The following OSBPL3 variants were observed in gnomAD, a reference collection of about 807,000 sequenced individuals.
OSBPL3 encodes the protein oxysterol-binding protein-related protein 3.
A neutral mutation model predicts 120.1 loss-of-function variants in OSBPL3; 65 were observed. That is an observed-to-expected ratio of 0.54 (90% CI 0.44 to 0.67). The LOEUF is 0.67. OSBPL3 is among the 30% of genes least tolerant of loss of function. OSBPL3 has a pLI of 0.00. For synonymous variants in OSBPL3, 416 were observed against 402.6 expected (o/e 1.03, Z -0.40); for missense variants, 1,004 against 1,082.1 (o/e 0.93, Z 1.01).
intron 2 of OSBPL3, among the ~76,000 whole-genome samples, chr7:24,889,673 G>T (rs1805048606): frequency 6.6e-6 from 1 of 152,200 alleles, no homozygotes; most frequent in South Asian, 2.1e-4. Context: ...GAAATGTGAA[G>T]TATACTGTAG....
chr7:24,863,441 G>A lies in OSBPL3; in HGVS notation c.777+55C>T. The A allele has an allele frequency of 3.4e-6, 5 of 1,472,936 alleles. No individual in the cohort carries two copies. The highest frequency in any genetic ancestry group is 1.4e-5 in the African/African-American group (1 of 72,276). 91.2% of individuals were successfully genotyped at this position (1,472,936 alleles called of 1,614,324 possible). On this transcript the variant is annotated intron_variant, in intron 8 of 22. Coordinates refer to ENST00000313367, the MANE Select transcript of OSBPL3 (RefSeq NM_015550.4). The surrounding 1 kb of genome is among the most constrained non-coding windows in gnomAD (Gnocchi z 5.8). The stretch of plus-strand genomic sequence containing the variant: ...CCCACTGTTAGTGAAAGGCTGGGAG[G>A]AGAAAGGAAAGCAGAAGAGGGCCAG...
Position 24,852,766 on chromosome 7 carries a change from C to A in OSBPL3, c.1028-132G>T. On this transcript the variant is annotated intron_variant, in intron 10 of 22. Coordinates refer to ENST00000313367, the MANE Select transcript of OSBPL3 (RefSeq NM_015550.4). This position sits in a 1 kb window ranked among gnomAD's most constrained non-coding sequence, Gnocchi z 4.1. ...GAATATTTTGAGTATAGCAAATGTA[C>A]ATTCTACCTTGACTTTTAAAAAACA... is the stretch of plus-strand genomic sequence containing the variant. 1.6e-6 allele frequency: 1 copy of A among 609,736 alleles called. No individual in the cohort carries two copies. The allele number at this position is 609,736 out of a possible 1,614,324, so 37.8% of individuals were successfully genotyped here.
intron 16 of OSBPL3, among the ~76,000 whole-genome samples, chr7:24,829,631 G>A (rs1478665454): frequency 6.6e-6 from 1 of 152,174 alleles, no homozygotes; most frequent in Non-Finnish European, 1.5e-5. Flanking sequence ...CAGAAGCAAT[G>A]ATGTCTAATG....
rs1486627127 is a variant in OSBPL3, at chr7:24,937,340, C to T, written c.-150+42546G>A. Among the ~76,000 whole-genome samples, 3 of 152,192 alleles carry T rather than the reference C, an allele frequency of 2.0e-5. No individual in the cohort carries two copies. Among genetic ancestry groups the T allele is most frequent in the Admixed American group, 2.0e-4 (3 of 15,290 alleles). On this transcript the variant is annotated intron_variant, in intron 1 of 22. Coordinates refer to ENST00000313367, the MANE Select transcript of OSBPL3 (RefSeq NM_015550.4). The surrounding 1 kb of genome is among the most constrained non-coding windows in gnomAD (Gnocchi z 4.0). ...GTTTTGTAGCAGCTTTGGGTGGGAA[C>T]ACAGCCAAACCATATCAGTAAATTT...
rs1459772845 is a variant in OSBPL3 at position 24,830,514 on chromosome 7, T to TTTA, written c.1884+251_1884+253dup. On this transcript the variant is annotated intron_variant, in intron 16 of 22. Coordinates refer to ENST00000313367, the MANE Select transcript of OSBPL3 (RefSeq NM_015550.4). This position sits in a 1 kb window ranked among gnomAD's most constrained non-coding sequence, Gnocchi z 4.4. Reference sequence around the variant, plus strand: ...TTTCAAAATTCCTTGTGCTAATGATTTTAAAGAGAAAGGACACCGGCAATG... The same window carrying TTTA: ...TTTCAAAATTCCTTGTGCTAATGATTTTATTAAAGAGAAAGGACACCGGCAATG... Among the ~76,000 whole-genome samples the TTTA allele has an allele frequency of 2.0e-5, 3 of 152,154 alleles. No individual in the cohort carries two copies. The highest frequency in any genetic ancestry group is 7.2e-5 in the African/African-American group (3 of 41,420).
Position 24,816,611 on chromosome 7 carries a change from C to T in OSBPL3, c.2026G>A (p.Val676Ile), listed in dbSNP as rs149813396. Residue 676 changes from valine (V) to isoleucine (I), a missense_variant and splice_region_variant, in exon 18 of 23, where the codon GTT (valine) becomes ATT (isoleucine). Around this residue, in one of 4 missense-constraint regions of OSBPL3, gnomAD observed 473 missense variants for 568.0 expected, o/e 0.83. Transcript: ENST00000313367. ...PIGTTHVTLP[V>I]FGDHFEWNKV... ...CTTAACCACAGAAGAAGAACTTACACTGGCAGAGTCACATGGGTTGTGCCA... is the reference window on the plus strand; with the variant it reads ...CTTAACCACAGAAGAAGAACTTACATTGGCAGAGTCACATGGGTTGTGCCA... 3 of 1,608,952 alleles carry T rather than the reference C, an allele frequency of 1.9e-6. No homozygotes were observed. The highest frequency in any genetic ancestry group is 1.1e-5 in the South Asian group (1 of 90,954).
chr7:24,832,367 G>A (rs1190962308), intron 15 of OSBPL3, among the ~76,000 whole-genome samples: 26 of 151,778 alleles, frequency 1.7e-4, no homozygotes, highest in Admixed American at 5.9e-4. Flanking sequence ...AAAATTAGCC[G>A]GGTGTGGTGG....
chr7:24,970,570 G>A (rs1449912846), intron 1 of OSBPL3, among the ~76,000 whole-genome samples: 1 of 152,128 alleles, frequency 6.6e-6, no homozygotes, highest in Non-Finnish European at 1.5e-5. Context: ...TAGAGATATA[G>A]ATACAGATAG....
In OSBPL3 at chr7:24,966,059, G is replaced by C. The variant is rs1816342806; in HGVS notation, c.-150+13827C>G. ...AGTCTCACACAAGTCATCTGAGAGA[G>C]AGGAGAAACAGTACTGTTAAAAGGA... On this transcript the variant is annotated intron_variant, in intron 1 of 22. Coordinates refer to ENST00000313367, the MANE Select transcript of OSBPL3 (RefSeq NM_015550.4). This position sits in a 1 kb window ranked among gnomAD's most constrained non-coding sequence, Gnocchi z 4.8. Among the ~76,000 whole-genome samples the C allele has an allele frequency of 6.6e-6, 1 of 152,174 alleles. No homozygotes were observed. Among genetic ancestry groups the C allele is most frequent in the Admixed American group, 6.5e-5 (1 of 15,286 alleles).
intron 1 of OSBPL3, among the ~76,000 whole-genome samples, chr7:24,929,814 G>T (rs376390747): frequency 1.6e-4 from 24 of 152,222 alleles, no homozygotes; most frequent in East Asian, 1.4e-3. Context: ...AATCATCCTT[G>T]GTCATGTATG....
In OSBPL3 at chr7:24,852,947, C is replaced by CTGCACTTTTGG. The variant is rs1218704000; in HGVS notation, c.1028-324_1028-314dup. On this transcript the variant is annotated intron_variant, in intron 10 of 22. Coordinates refer to ENST00000313367, the MANE Select transcript of OSBPL3 (RefSeq NM_015550.4). This position sits in a 1 kb window ranked among gnomAD's most constrained non-coding sequence, Gnocchi z 4.1. Reference sequence around the variant, plus strand: ...TGGGAGCAGGGGGCTTATAAAAGCTCTGCACTTTTGGTTCAATTTTGCTAT... The same window carrying CTGCACTTTTGG: ...TGGGAGCAGGGGGCTTATAAAAGCTCTGCACTTTTGGTGCACTTTTGGTTCAATTTTGCTAT... Among the ~76,000 whole-genome samples, 1 of 152,144 alleles carries CTGCACTTTTGG rather than the reference C, an allele frequency of 6.6e-6. No individual in the cohort carries two copies. Among genetic ancestry groups the CTGCACTTTTGG allele is most frequent in the Non-Finnish European group, 1.5e-5 (1 of 68,032 alleles).
chr7:24,951,380 T>C (rs1481559370), intron 1 of OSBPL3, among the ~76,000 whole-genome samples: 1 of 152,192 alleles, frequency 6.6e-6, no homozygotes, highest in Non-Finnish European at 1.5e-5. Flanking sequence ...TAACTTCATA[T>C]TCCTTCTGGT....
At chr7:24,917,411 T>TATATATATATATATATATATA (rs1809771897) in intron 1 of OSBPL3, among the ~76,000 whole-genome samples, 1 of 137,600 alleles carries the variant, frequency 7.3e-6, no homozygotes, top group African/African-American at 2.9e-5. Context: ...CATATATATA[T>TATATATATATATATATATATA]ATATATATAT....
At position 24,824,174 on chromosome 7, in the gene OSBPL3, G is replaced by C. The variant is rs113222813; in HGVS notation, c.1885-3936C>G. Reference sequence around the variant, plus strand: ...AATTAGTACACATGGTTTTTATTACGCAAGTATTTATATGGTAACACATGT... The same window carrying C: ...AATTAGTACACATGGTTTTTATTACCCAAGTATTTATATGGTAACACATGT... On this transcript the variant is annotated intron_variant, in intron 16 of 22. Transcript: ENST00000313367. The surrounding 1 kb of genome is among the most constrained non-coding windows in gnomAD (Gnocchi z 4.9). 6.6e-6 allele frequency among the ~76,000 whole-genome samples: 1 copy of C among 152,068 alleles called. No homozygotes were observed. Among genetic ancestry groups the C allele is most frequent in the Non-Finnish European group, 1.5e-5 (1 of 68,020 alleles).
At chr7:24,825,679 T>C (rs1392362439) in intron 16 of OSBPL3, among the ~76,000 whole-genome samples, 1 of 152,218 alleles carries the variant, frequency 6.6e-6, no homozygotes, top group African/African-American at 2.4e-5. Flanking sequence ...CTCTGCTAAC[T>C]AGTAGATACA....
chr7:24,820,317 C>A lies in OSBPL3; in HGVS notation c.1885-79G>T. On this transcript the variant is annotated intron_variant, in intron 16 of 22. Transcript: ENST00000313367. The surrounding 1 kb of genome is among the most constrained non-coding windows in gnomAD (Gnocchi z 4.6). ...TGAAATCCATTCTTTCTCCCCTGCA[C>A]TGAGATGTAACAGCGTGCAATGCTG... The A allele has an allele frequency of 1.9e-6, 2 of 1,056,156 alleles. No homozygotes were observed. The highest frequency in any genetic ancestry group is 1.4e-6 in the Non-Finnish European group (1 of 689,714). 65.4% of individuals were successfully genotyped at this position (1,056,156 alleles called of 1,614,324 possible).
chr7:24,973,753 GA>G (rs1378825019), intron 1 of OSBPL3, among the ~76,000 whole-genome samples: 1 of 152,158 alleles, frequency 6.6e-6, no homozygotes, highest in East Asian at 1.9e-4. Flanking sequence ...AAGCATCTTT[GA>G]AAAAAATCAA....
chr7:24,798,321 TACC>T lies in OSBPL3; in HGVS notation c.*1859_*1861del, dbSNP rs1791933246. ...AGCAGGCCAATTTAACAGCCAATAT[TACC>T]ACGATTCTACATTTATCCTCACACT... On this transcript the variant is annotated 3_prime_UTR_variant, in exon 23 of 23. Transcript: ENST00000313367. The surrounding 1 kb of genome is among the most constrained non-coding windows in gnomAD (Gnocchi z 4.6). 6.6e-6 allele frequency: 1 copy of T among 152,260 alleles called. No homozygotes were observed. Among genetic ancestry groups the T allele is most frequent in the Non-Finnish European group, 1.5e-5 (1 of 68,048 alleles). 9.4% of individuals were successfully genotyped at this position (152,260 alleles called of 1,614,324 possible). A position where few individuals can be genotyped will look rare whatever the true frequency, so the allele number is the denominator to read the frequency against.
chr7:24,979,845 C>A (rs1161286634), intron 1 of OSBPL3, 41 bp downstream of exon 1: 2 of 971,464 alleles, frequency 2.1e-6, no homozygotes, highest in African/African-American at 3.5e-5. Flanking sequence ...CCAGGCCCCC[C>A]GACACCCAGG....
Sources: gnomAD v4.1 joint callset for allele counts (sites outside exome capture counted in the v4.1 genomes callset) on GRCh38, gnomAD v4.1.1 for gene constraint, gnomAD v4.1.1 regional missense constraint, Gnocchi (gnomAD v3.1) non-coding constraint, MANE v1.5 for transcripts, NCBI Gene and HGNC (gene_info 2026-07-23, HGNC 2026-07-21) for gene names.